Variants in ZNF586 observed in about 807,000 individuals in gnomAD.
ZNF586 encodes the protein zinc finger protein 586.
ZNF586 carries 7 observed loss-of-function variants against 6.7 expected under a neutral mutation model. That is an observed-to-expected ratio of 1.04 (90% confidence interval 0.59 to 1.95). The LOEUF (loss-of-function observed/expected upper bound fraction) is 1.95, where lower values mean the gene tolerates loss of function less well. Ranked by LOEUF, ZNF586 falls within the 30% of genes most tolerant of loss-of-function variation. ZNF586 has a pLI of 0.00. For missense variants in ZNF586, 442 were observed against 489.6 expected (o/e 0.90, Z 0.92); for synonymous variants, 166 against 168.7 (o/e 0.98, Z 0.12).
chr19:57,771,118 G>A (rs1178293518), intron 1 of ZNF586, among the ~76,000 whole-genome samples: 1 of 151,838 alleles, frequency 6.6e-6, no homozygotes, highest in African/African-American at 2.4e-5. Context: ...TGGCTAACAC[G>A]GTGAAATCCC....
intron 1 of ZNF586, among the ~76,000 whole-genome samples, chr19:57,774,463 C>T (rs984511884): frequency 2.6e-5 from 4 of 151,320 alleles, no homozygotes; most frequent in African/African-American, 4.9e-5. Flanking sequence ...GTGGAGGTTG[C>T]GGTGAGCTGA....
chr19:57,769,903 T>TTGGCCCCCCCCCCC, intron 1 of ZNF586, 25 bp downstream of exon 1: 1 of 1,475,874 alleles, frequency 6.8e-7, no homozygotes, highest in Non-Finnish European at 9.1e-7. Context: ...CTCCGGGCCT[T>TTGGCCCCCCCCCCC]ACCCACCCTA....
In ZNF586 at chr19:57,769,699, G is replaced by C. The variant is rs999835489; in HGVS notation, c.-144G>C. The stretch of plus-strand genomic sequence containing the variant: ...TGGCCTGTCAGGTCCATCCGGCGAT[G>C]CTGGGTCTGGACGAGCTCGGGAGGA... On this transcript the variant is annotated 5_prime_UTR_variant, in exon 1 of 3. The change abolishes an upstream ATG in the 5' untranslated region. Coordinates refer to ENST00000396154, the MANE Select transcript of ZNF586 (RefSeq NM_017652.4). 1.6e-5 allele frequency: 14 copies of C among 869,318 alleles called. No homozygotes were observed. In the East Asian group the frequency reaches 3.6e-4, roughly 22 times the overall value. The allele number at this position is 869,318 out of a possible 1,614,324, so 53.9% of individuals were successfully genotyped here. A position where few individuals can be genotyped will look rare whatever the true frequency, so the allele number is the denominator to read the frequency against.
chr19:57,778,046 G>A (rs931259090), intron 2 of ZNF586, among the ~76,000 whole-genome samples: 5 of 150,502 alleles, frequency 3.3e-5, no homozygotes, highest in Admixed American at 1.3e-4. Flanking sequence ...GTGAGCCACC[G>A]CGCCCAGCCT....
At chr19:57,772,498 TG>T (rs1396434231) in intron 1 of ZNF586, among the ~76,000 whole-genome samples, 1 of 84,450 alleles carries the variant, frequency 1.2e-5, no homozygotes, top group Admixed American at 1.3e-4. Flanking sequence ...AGCCCCAGGA[TG>T]TTTTTTTTTT....
intron 1 of ZNF586, among the ~76,000 whole-genome samples, chr19:57,775,951 G>T (rs189396812): frequency 1.2e-4 from 19 of 152,286 alleles, no homozygotes; most frequent in Admixed American, 9.8e-4. Flanking sequence ...TGTGGTGAGT[G>T]GTGTCCTCTT....
chr19:57,770,013 C>A (rs1987051220), intron 1 of ZNF586, 135 bp downstream of exon 1: 10 of 842,256 alleles, frequency 1.2e-5, no homozygotes, highest in South Asian at 9.7e-5. Flanking sequence ...CGGGTGGGAT[C>A]CCTGTTTCCG....
At position 57,778,883 on chromosome 19, in the gene ZNF586, A is replaced by C. The variant is rs746450728; in HGVS notation, c.296A>C (p.Asn99Thr). The C allele has an allele frequency of 6.2e-7, 1 of 1,614,094 alleles. No individual in the cohort carries two copies. Among genetic ancestry groups the C allele is most frequent in the African/African-American group, 1.3e-5 (1 of 74,948 alleles). ...ECGEYRKLFKNKSCLTEPRRD... is the reference protein window; with the variant it reads ...ECGEYRKLFKTKSCLTEPRRD... ...GGGGAATATAGGAAATTATTTAAGA[A>C]CAAGTCCTGCCTCACTGAACCCAGA... The change falls in exon 3 of 3, where the codon AAC (asparagine) becomes ACC (threonine). Residue 99 changes from asparagine to threonine, a missense_variant. By Grantham distance (65) the Asn-to-Thr change is moderately conservative. Transcript: ENST00000396154.
At position 57,780,036 on chromosome 19, in the gene ZNF586, A is replaced by T; in HGVS notation, c.*240A>T. On this transcript the variant is annotated 3_prime_UTR_variant, in exon 3 of 3. Transcript: ENST00000396154. ...TATTTACATGAGGAAAATACCACAG[A>T]TGTGGAGGTAATATTATTTTTTCTT... 2.0e-6 allele frequency: 1 copy of T among 508,784 alleles called. No individual in the cohort carries two copies. Among genetic ancestry groups the T allele is most frequent in the East Asian group, 3.1e-5 (1 of 31,854 alleles). The allele number at this position is 508,784 out of a possible 1,614,324, so 31.5% of individuals were successfully genotyped here.
intron 1 of ZNF586, among the ~76,000 whole-genome samples, chr19:57,773,402 CTT>C (rs35585717): frequency 7.5e-5 from 7 of 92,770 alleles, no homozygotes; most frequent in Admixed American, 2.5e-4. Context: ...TCTTCTTCTT[CTT>C]TTTTTTTTTT....
chr19:57,779,889 G>A lies in ZNF586; in HGVS notation c.*93G>A. On this transcript the variant is annotated 3_prime_UTR_variant, in exon 3 of 3. Coordinates refer to ENST00000396154, the MANE Select transcript of ZNF586 (RefSeq NM_017652.4). ...CAAGGTGTTATGAGTGTGACAAATG[G>A]GGAATATTCTTTAGCTAGAATGCTA... 9.0e-7 allele frequency: 1 copy of A among 1,105,548 alleles called. No homozygotes were observed. The highest frequency in any genetic ancestry group is 1.3e-6 in the Non-Finnish European group (1 of 770,254). The allele number at this position is 1,105,548 out of a possible 1,614,324, so 68.5% of individuals were successfully genotyped here.
chr19:57,779,144 C>A lies in ZNF586; in HGVS notation c.557C>A (p.Ala186Asp). 6.2e-7 allele frequency: 1 copy of A among 1,613,688 alleles called. No individual in the cohort carries two copies. The highest frequency in any genetic ancestry group is 8.5e-7 in the Non-Finnish European group (1 of 1,179,948). Residue 186 changes from alanine (A) to aspartate (D), a missense_variant, in exon 3 of 3, where the codon GCC (alanine) becomes GAC (aspartate). Physicochemically the swap from Ala to Asp is moderately radical, Grantham distance 126 (BLOSUM62 -2). Transcript: ENST00000396154. ...TATGAGTGTATTGAATGTGGGAAAG[C>A]CTTTGCTGAAAAGTCCAGTCTCATT... ...RPYECIECGK[A>D]FAEKSSLINH...
intron 1 of ZNF586, 26 bp from the exon 2 acceptor site, chr19:57,776,517 G>A: frequency 6.2e-7 from 1 of 1,600,726 alleles, no homozygotes; most frequent in South Asian, 1.1e-5. Context: ...GGCCATTTGT[G>A]GTTTCATCTA....
intron 2 of ZNF586, 61 bp downstream of exon 2, chr19:57,776,730 A>C (rs1399048578): frequency 1.4e-5 from 21 of 1,507,794 alleles, no homozygotes; most frequent in Admixed American, 2.2e-5. Context: ...TTTATGCCTT[A>C]TCTCTTTCTC....
At chr19:57,776,015 A>G (rs1987228268) in intron 1 of ZNF586, among the ~76,000 whole-genome samples, 3 of 152,172 alleles carry the variant, frequency 2.0e-5, no homozygotes, top group Admixed American at 2.0e-4. Context: ...ACTTGTGTTC[A>G]GCGTCAGGTG....
intron 2 of ZNF586, among the ~76,000 whole-genome samples, chr19:57,778,135 A>T (rs1987285005): frequency 7.7e-6 from 1 of 130,658 alleles, no homozygotes; most frequent in Non-Finnish European, 1.6e-5. Flanking sequence ...GCAGTGGCAC[A>T]GTCTAGGCTC....
In ZNF586 at chr19:57,778,793, A is replaced by G; in HGVS notation, c.206A>G (p.Gln69Arg). ...GGEDEAAPSK[Q>R]STCIHIYKDQ... ...GAAGATGAGGCAGCACCTTCTAAGC[A>G]GAGCACGTGTATACATATATACAAA... Residue 69 changes from glutamine (Q) to arginine (R), a missense_variant, in exon 3 of 3, where the codon CAG becomes CGG. Coordinates refer to ENST00000396154, the MANE Select transcript of ZNF586 (RefSeq NM_017652.4). 1 of 1,612,852 alleles carries G rather than the reference A, an allele frequency of 6.2e-7. No individual in the cohort carries two copies. Among genetic ancestry groups the G allele is most frequent in the Non-Finnish European group, 8.5e-7 (1 of 1,179,498 alleles).
rs1015960747 is a variant in ZNF586, at chr19:57,774,844, G to A, written c.37-1699G>A. On this transcript the variant is annotated intron_variant, in intron 1 of 2. Transcript: ENST00000396154. Reference sequence around the variant, plus strand: ...AGTATCATGTGCTACCTTCATGTCTGGTGATACCAGTACTACCTCACATGG... The same window carrying A: ...AGTATCATGTGCTACCTTCATGTCTAGTGATACCAGTACTACCTCACATGG... 3 of 691,594 alleles carry A rather than the reference G, an allele frequency of 4.3e-6. No homozygotes were observed. In the African/African-American group the frequency reaches 5.8e-5, roughly 13 times the overall value. The allele number at this position is 691,594 out of a possible 1,614,324, so 42.8% of individuals were successfully genotyped here.
Position 57,779,552 on chromosome 19 carries a change from G to C in ZNF586, c.965G>C (p.Cys322Ser), listed in dbSNP as rs2122568522. ...HTGERHECGQ[C>S]GKSFSRKSSL... Reference sequence around the variant, plus strand: ...GGAGAAAGGCATGAGTGCGGGCAGTGTGGGAAATCCTTTAGCCGAAAATCT... The same window carrying C: ...GGAGAAAGGCATGAGTGCGGGCAGTCTGGGAAATCCTTTAGCCGAAAATCT... The change falls in exon 3 of 3, where the codon TGT (cysteine) becomes TCT (serine). Residue 322 changes from cysteine (C) to serine (S), a missense_variant. Cys to Ser is a moderately radical substitution (Grantham distance 112). Transcript: ENST00000396154. 1 of 1,613,860 alleles carries C rather than the reference G, an allele frequency of 6.2e-7. No homozygotes were observed. Among genetic ancestry groups the C allele is most frequent in the Non-Finnish European group, 8.5e-7 (1 of 1,179,990 alleles).
Sources: allele counts gnomAD v4.1 joint callset (sites outside exome capture counted in the v4.1 genomes callset), GRCh38; gene constraint gnomAD v4.1.1; transcripts MANE v1.5; gene names NCBI Gene and HGNC (gene_info 2026-07-23, HGNC 2026-07-21).